The following RPS6KC1 variants were observed in gnomAD, a reference collection of about 807,000 sequenced individuals.
RPS6KC1 encodes the protein ribosomal protein S6 kinase C1, also known as inactive ribosomal protein S6 kinase delta-1.
Under a neutral mutation model 103.8 loss-of-function variants are expected in RPS6KC1, and 54 were observed. The observed-to-expected ratio is 0.52, with a 90% CI of 0.42 to 0.65. The LOEUF is 0.65. RPS6KC1 is among the 30% of genes least tolerant of loss of function. The pLI is 0.00. For synonymous variants in RPS6KC1, 439 were observed against 438.7 expected, an observed-to-expected ratio of 1.00 and a Z score of -0.01; for missense variants, 1,151 against 1,253.8, an observed-to-expected ratio of 0.92 and a Z score of 1.24.
At chr1:213,372,653 G>A in the RPS6KC1 span, among the ~76,000 whole-genome samples, 3 of 152,262 alleles carry the variant, frequency 2.0e-5, no homozygotes, top group South Asian at 2.1e-4. Context: ...TTGGTCTGTA[G>A]GCATTTTTGT....
chr1:213,571,519 G>C, the RPS6KC1 span, among the ~76,000 whole-genome samples: 1 of 152,106 alleles, frequency 6.6e-6, no homozygotes, highest in African/African-American at 2.4e-5. Flanking sequence ...AGGAAAGAAG[G>C]GGCCTCAGAG....
the RPS6KC1 span, among the ~76,000 whole-genome samples, chr1:213,728,247 G>T: frequency 6.6e-6 from 1 of 152,144 alleles, no homozygotes; most frequent in African/African-American, 2.4e-5. Context: ...TTATCTGAGG[G>T]GCTAGAGTAC....
At chr1:213,070,952 T>C (rs77080211) in intron 1 of RPS6KC1, 54 bp from the exon 2 acceptor site, 4 of 1,104,594 alleles carry the variant, frequency 3.6e-6, no homozygotes, top group African/African-American at 1.6e-5. Context: ...TATACAAATA[T>C]GAAATCTTAA....
At chr1:213,427,888 A>T in the RPS6KC1 span, among the ~76,000 whole-genome samples, 1 of 152,208 alleles carries the variant, frequency 6.6e-6, no homozygotes, top group Non-Finnish European at 1.5e-5. Flanking sequence ...CTTCCCTGAA[A>T]GTCTAGGATG....
At chr1:213,424,161 A>C in the RPS6KC1 span, among the ~76,000 whole-genome samples, 1 of 152,232 alleles carries the variant, frequency 6.6e-6, no homozygotes, top group African/African-American at 2.4e-5. Context: ...GGCAAGACCA[A>C]TTGAAGTGAG....
intron 8 of RPS6KC1, among the ~76,000 whole-genome samples, chr1:213,212,352 G>A (rs1045418459): frequency 2.6e-5 from 4 of 152,000 alleles, no homozygotes; most frequent in African/African-American, 9.7e-5. Flanking sequence ...AGCCTTTTCA[G>A]ATTGGCTTTC....
chr1:213,261,540 C>T lies in RPS6KC1; in HGVS notation c.2912-18C>T. On this transcript the variant is annotated intron_variant, in intron 12 of 14. Coordinates refer to ENST00000366960, the MANE Select transcript of RPS6KC1 (RefSeq NM_012424.6). ...TGACCTTTGGAATTTTAATATCAAC[C>T]TTTTTTGGTGTGGTTAGAGGTTGGA... The T allele has an allele frequency of 1.2e-6, 2 of 1,609,612 alleles. No homozygotes were observed. The highest frequency in any genetic ancestry group is 3.3e-4 in the Middle Eastern group (2 of 6,048).
chr1:213,518,825 A>G, the RPS6KC1 span, among the ~76,000 whole-genome samples: 3 of 152,166 alleles, frequency 2.0e-5, no homozygotes, highest in Admixed American at 1.3e-4. Flanking sequence ...TAAAGGAGAT[A>G]GTGTGTTTTC....
chr1:213,694,899 G>A, the RPS6KC1 span, among the ~76,000 whole-genome samples: 1 of 152,178 alleles, frequency 6.6e-6, no homozygotes, highest in Non-Finnish European at 1.5e-5. Context: ...GGTAGGTTCT[G>A]CCTCCTAAGA....
At chr1:213,749,554 G>T in the RPS6KC1 span, among the ~76,000 whole-genome samples, 1 of 152,116 alleles carries the variant, frequency 6.6e-6, no homozygotes, top group East Asian at 1.9e-4. Context: ...TAGATGAGAG[G>T]CTGTGGCAGG....
At chr1:213,730,971 A>C in the RPS6KC1 span, among the ~76,000 whole-genome samples, 1 of 152,118 alleles carries the variant, frequency 6.6e-6, no homozygotes, top group Non-Finnish European at 1.5e-5. Flanking sequence ...AAGGGGTCCA[A>C]TTTCAATATT....
the RPS6KC1 span, among the ~76,000 whole-genome samples, chr1:213,576,397 A>G: frequency 6.8e-6 from 1 of 146,656 alleles, no homozygotes; most frequent in African/African-American, 2.5e-5. Flanking sequence ...TAACAAATTG[A>G]AGGTTTTTCG....
intron 8 of RPS6KC1, among the ~76,000 whole-genome samples, chr1:213,207,662 T>C (rs2093389340): frequency 6.6e-6 from 1 of 152,094 alleles, no homozygotes; most frequent in African/African-American, 2.4e-5. Flanking sequence ...TTTATAAATT[T>C]ATATACCTTT....
Position 213,051,317 on chromosome 1 carries a change from C to A in RPS6KC1, c.-88C>A. On this transcript the variant is annotated 5_prime_UTR_variant, in exon 1 of 15. Transcript: ENST00000366960. ...AGCCACCGCCCCCTCGCCGCTTCGCCGCTGCGTTGGGGAACCTGGACCGCG... is the reference window on the plus strand; with the variant it reads ...AGCCACCGCCCCCTCGCCGCTTCGCAGCTGCGTTGGGGAACCTGGACCGCG... The A allele has an allele frequency of 2.0e-6, 2 of 989,570 alleles. No homozygotes were observed. Among genetic ancestry groups the A allele is most frequent in the Non-Finnish European group, 3.1e-6 (2 of 641,432 alleles). 61.3% of individuals were successfully genotyped at this position (989,570 alleles called of 1,614,324 possible).
the RPS6KC1 span, among the ~76,000 whole-genome samples, chr1:213,430,093 A>T: frequency 1.3e-5 from 2 of 152,196 alleles, no homozygotes; most frequent in Non-Finnish European, 2.9e-5. Flanking sequence ...GCAGTCACCT[A>T]GTCGTCTTCC....
the RPS6KC1 span, among the ~76,000 whole-genome samples, chr1:213,771,258 T>C: frequency 6.6e-6 from 1 of 151,986 alleles, no homozygotes; most frequent in Non-Finnish European, 1.5e-5. Context: ...TATCCTGTCT[T>C]GGGTCAGTCT....
At chr1:213,483,761 C>T in the RPS6KC1 span, among the ~76,000 whole-genome samples, 1 of 152,210 alleles carries the variant, frequency 6.6e-6, no homozygotes, top group African/African-American at 2.4e-5. Context: ...AGAGTGACTC[C>T]TGATGAGAAG....
the RPS6KC1 span, among the ~76,000 whole-genome samples, chr1:213,749,719 C>T: frequency 2.5e-3 from 374 of 152,254 alleles, 2 homozygotes; most frequent in Non-Finnish European, 3.7e-3. Flanking sequence ...TCTATTGTGG[C>T]AGCTACTGTC....
the RPS6KC1 span, among the ~76,000 whole-genome samples, chr1:213,602,898 C>T: frequency 6.6e-6 from 1 of 152,072 alleles, no homozygotes; most frequent in Non-Finnish European, 1.5e-5. Context: ...AGATCAGAGC[C>T]ACATGGTCTG....
Sources: gnomAD v4.1 joint callset for allele counts (sites outside exome capture counted in the v4.1 genomes callset) on GRCh38, gnomAD v4.1.1 for gene constraint, MANE v1.5 for transcripts, NCBI Gene and HGNC (gene_info 2026-07-23, HGNC 2026-07-21) for gene names.